The following BCL2 variants were observed in gnomAD, a reference collection of about 807,000 sequenced individuals.
BCL2 encodes BCL2 apoptosis regulator, also known as apoptosis regulator Bcl-2.
In BCL2, 1 loss-of-function variant was observed where a neutral mutation model predicts 14.2. That is an observed-to-expected ratio of 0.07 (90% CI 0.02 to 0.33). The LOEUF (loss-of-function observed/expected upper bound fraction) is 0.33. Among genes scored for constraint, BCL2 ranks in the 10% least tolerant of loss-of-function variants. The probability of loss-of-function intolerance (pLI) is 0.99; values close to 1 mark genes in which losing one functional copy is unlikely to be tolerated. For synonymous variants in BCL2, 151 were observed against 137.2 expected, an observed-to-expected ratio of 1.10 and a Z score of -0.70; for missense variants, 247 against 305.9, an observed-to-expected ratio of 0.81 and a Z score of 1.44.
intron 2 of BCL2, among the ~76,000 whole-genome samples, chr18:63,179,505 G>A (rs17070809): frequency 0.2 from 29,690 of 151,996 alleles, 3,718 homozygotes; most frequent in East Asian, 0.35. Flanking sequence ...GTTTTCTCCT[G>A]GTGCTATTTG....
At chr18:63,212,412 A>G (rs1910054162) in intron 2 of BCL2, among the ~76,000 whole-genome samples, 1 of 151,750 alleles carries the variant, frequency 6.6e-6, no homozygotes, top group Non-Finnish European at 1.5e-5. Flanking sequence ...TCCTTTAAAG[A>G]AGGGAGGTAA....
At position 63,128,603 on chromosome 18, in the gene BCL2, G is replaced by T. The variant is rs200716283; in HGVS notation, c.*22C>A. 2.6e-6 allele frequency: 2 copies of T among 779,102 alleles called. No homozygotes were observed. The highest frequency in any genetic ancestry group is 4.9e-5 in the East Asian group (2 of 41,198). 48.3% of individuals were successfully genotyped at this position (779,102 alleles called of 1,614,324 possible). On this transcript the variant is annotated 3_prime_UTR_variant, in exon 3 of 3. Coordinates refer to ENST00000333681, the MANE Select transcript of BCL2 (RefSeq NM_000633.3). ...GCTTTAGTGAACCTTTTGCATATTT[G>T]TTTGGGGCAGGCATGTTGACTTCAC...
chr18:63,157,540 G>A (rs1254470891), intron 2 of BCL2, among the ~76,000 whole-genome samples: 1 of 152,216 alleles, frequency 6.6e-6, no homozygotes, highest in African/African-American at 2.4e-5. Flanking sequence ...AGCGTTCGCT[G>A]TTTTCAGCGT....
At chr18:63,138,512 T>C (rs1177449188) in intron 2 of BCL2, among the ~76,000 whole-genome samples, 9 of 152,170 alleles carry the variant, frequency 5.9e-5, no homozygotes, top group Non-Finnish European at 1.3e-4. Flanking sequence ...CTTGAGCATA[T>C]AACTGAAGGA....
At chr18:63,302,019 A>T (rs2144285119) in intron 2 of BCL2, among the ~76,000 whole-genome samples, 1 of 152,324 alleles carries the variant, frequency 6.6e-6, no homozygotes, top group African/African-American at 2.4e-5. Flanking sequence ...TTTTTAAAGT[A>T]GTCTGGTCTA....
chr18:63,289,587 A>G lies in BCL2; in HGVS notation c.585+28495T>C, dbSNP rs150108361. Among the ~76,000 whole-genome samples the G allele has an allele frequency of 6.9e-4, 105 of 152,212 alleles. No homozygotes were observed. The East Asian group carries it at 0.012, about 18-fold the overall frequency. On this transcript the variant is annotated intron_variant, in intron 2 of 2. Transcript: ENST00000333681. Reference sequence around the variant, plus strand: ...GCTGGATAAAGGAAAATGAAGACTTACCTAGGAAAAGAGGAGCCTTAAAAT... The same window carrying G: ...GCTGGATAAAGGAAAATGAAGACTTGCCTAGGAAAAGAGGAGCCTTAAAAT...
At chr18:63,260,260 G>A (rs1911616321) in intron 2 of BCL2, among the ~76,000 whole-genome samples, 1 of 152,116 alleles carries the variant, frequency 6.6e-6, no homozygotes, top group African/African-American at 2.4e-5. Context: ...ACACATGCAT[G>A]CACATGTACA....
At position 63,149,948 on chromosome 18, in the gene BCL2, C is replaced by T. The variant is rs182721755; in HGVS notation, c.586-21189G>A. Among the ~76,000 whole-genome samples, 73 of 152,100 alleles carry T rather than the reference C, an allele frequency of 4.8e-4. No homozygotes were observed. The East Asian group carries it at 9.1e-3, about 19-fold the overall frequency. On this transcript the variant is annotated intron_variant, in intron 2 of 2. Transcript: ENST00000333681. The surrounding 1 kb of genome is among the most constrained non-coding windows in gnomAD (Gnocchi z 4.2). ...AGGCTGGAGTGCAGTGGTGCGATCT[C>T]GGCTCACTGCAGCCTCTGCCTCCCA...
At chr18:63,128,821 C>T (rs1913985821) in intron 2 of BCL2, 62 bp from the exon 3 acceptor site, 2 of 705,540 alleles carry the variant, frequency 2.8e-6, no homozygotes, top group South Asian at 3.1e-5. Flanking sequence ...CAGAGAATGC[C>T]ACCCCACAGA....
At chr18:63,235,165 C>T (rs1164359261) in intron 2 of BCL2, among the ~76,000 whole-genome samples, 2 of 152,166 alleles carry the variant, frequency 1.3e-5, no homozygotes, top group African/African-American at 2.4e-5. Flanking sequence ...TTAAATATGA[C>T]TCTAACAAGT....
rs146486604 is a variant in BCL2 at position 63,155,813 on chromosome 18, C to T, written c.586-27054G>A. On this transcript the variant is annotated intron_variant, in intron 2 of 2. Coordinates refer to ENST00000333681, the MANE Select transcript of BCL2 (RefSeq NM_000633.3). ...CGAGCTCAGGGTCACCTTGAACCCT[C>T]TCCTTTCTTTCTCCAGAGTGCTTGT... is the stretch of plus-strand genomic sequence containing the variant. 1.1e-3 allele frequency among the ~76,000 whole-genome samples: 162 copies of T among 152,290 alleles called. 1 individual carries two copies. Among genetic ancestry groups the T allele is most frequent in the African/African-American group, 3.7e-3 (153 of 41,552 alleles).
At chr18:63,248,660 T>C (rs1911219350) in intron 2 of BCL2, among the ~76,000 whole-genome samples, 1 of 152,186 alleles carries the variant, frequency 6.6e-6, no homozygotes, top group Non-Finnish European at 1.5e-5. Context: ...ATCAGGACTT[T>C]GCACCCTGGG....
chr18:63,266,635 TCTCACA>T (rs1911834560), intron 2 of BCL2, among the ~76,000 whole-genome samples: 1 of 136,488 alleles, frequency 7.3e-6, no homozygotes, highest in African/African-American at 2.7e-5. Context: ...TCTCTCTCTC[TCTCACA>T]CACACACACA....
intron 2 of BCL2, among the ~76,000 whole-genome samples, chr18:63,181,767 G>C (rs1599229456): frequency 2.0e-5 from 3 of 152,224 alleles, no homozygotes; most frequent in Non-Finnish European, 4.4e-5. Flanking sequence ...TGAAGAAACA[G>C]AAGCTAAGAG....
At chr18:63,274,585 G>A (rs959636685) in intron 2 of BCL2, among the ~76,000 whole-genome samples, 2 of 151,972 alleles carry the variant, frequency 1.3e-5, no homozygotes, top group Admixed American at 6.6e-5. Context: ...ATATGCAGCC[G>A]ATTTTATAAT....
At chr18:63,180,580 C>T (rs78850221) in intron 2 of BCL2, among the ~76,000 whole-genome samples, 3,834 of 151,986 alleles carry the variant, frequency 0.025, 104 homozygotes, top group East Asian at 0.1. Context: ...CCAGGCTGAC[C>T]ACGGCAACGT....
rs1031675023 is a variant in BCL2, at chr18:63,319,624, G to A, written c.-737C>T. 4.5e-6 allele frequency: 1 copy of A among 224,436 alleles called. No individual in the cohort carries two copies. Among genetic ancestry groups the A allele is most frequent in the Non-Finnish European group, 8.9e-6 (1 of 112,508 alleles). The allele number at this position is 224,436 out of a possible 1,614,324, so 13.9% of individuals were successfully genotyped here. ...GGAGAGGGGACGATGAAGGAGCCGG[G>A]GACGGAGGCAGGAATCCTCTTCTGA... On this transcript the variant is annotated 5_prime_UTR_variant, in exon 1 of 3. Transcript: ENST00000333681.
intron 2 of BCL2, among the ~76,000 whole-genome samples, chr18:63,174,558 G>A (rs1042270579): frequency 4.6e-5 from 7 of 152,260 alleles, no homozygotes; most frequent in South Asian, 2.1e-4. Context: ...GGTGGCTCAT[G>A]CCTGTAATCC....
intron 2 of BCL2, among the ~76,000 whole-genome samples, chr18:63,203,587 T>C (rs1197240751): frequency 6.6e-6 from 1 of 152,218 alleles, no homozygotes; most frequent in Non-Finnish European, 1.5e-5. Flanking sequence ...GTCAAGTTTA[T>C]TGTCACAGGG....
Sources: allele counts gnomAD v4.1 joint callset (sites outside exome capture counted in the v4.1 genomes callset), GRCh38; gene constraint gnomAD v4.1.1; non-coding constraint Gnocchi (gnomAD v3.1); transcripts MANE v1.5; gene names NCBI Gene and HGNC (gene_info 2026-07-23, HGNC 2026-07-21).